Variants in SNX24 observed in about 807,000 individuals in gnomAD.
The protein encoded by SNX24 is sorting nexin-24.
A neutral mutation model predicts 28.7 loss-of-function variants in SNX24; 22 were observed. That is an observed-to-expected ratio of 0.77 (90% CI 0.55 to 1.10). The LOEUF (loss-of-function observed/expected upper bound fraction) is 1.10, where lower values mean the gene tolerates loss of function less well. SNX24 is among the 50% of genes least tolerant of loss of function. The probability of loss-of-function intolerance (pLI) is 0.00; values close to 1 mark genes in which losing one functional copy is unlikely to be tolerated. For missense variants in SNX24, 221 were observed against 201.1 expected, an observed-to-expected ratio of 1.10 and a Z score of -0.60; for synonymous variants, 69 against 71.5, an observed-to-expected ratio of 0.96 and a Z score of 0.18.
intron 3 of SNX24, among the ~76,000 whole-genome samples, chr5:122,997,995 G>A (rs73796806): frequency 1.3e-5 from 2 of 152,250 alleles, no homozygotes; most frequent in South Asian, 2.1e-4. Flanking sequence ...TTTTATATGT[G>A]TGATGACGCC....
At chr5:122,861,438 A>C (rs1034784523) in intron 1 of SNX24, among the ~76,000 whole-genome samples, 1 of 152,212 alleles carries the variant, frequency 6.6e-6, no homozygotes, top group African/African-American at 2.4e-5. Context: ...CCATCATTCT[A>C]CCAAGCCAGC....
intron 1 of SNX24, among the ~76,000 whole-genome samples, chr5:122,913,730 T>C (rs1334307857): frequency 1.3e-5 from 2 of 152,172 alleles, no homozygotes; most frequent in African/African-American, 4.8e-5. Flanking sequence ...GAGGCTGCAA[T>C]CTCGGCACTT....
intron 3 of SNX24, among the ~76,000 whole-genome samples, chr5:122,999,346 G>A (rs1397227588): frequency 6.6e-6 from 1 of 152,012 alleles, no homozygotes; most frequent in African/African-American, 2.4e-5. Context: ...ATAAATGTCA[G>A]TTGATTCTAA....
In SNX24 at chr5:123,014,925, C is replaced by T. The variant is rs573520587; in HGVS notation, n.383+12921C>T. 2.3e-3 allele frequency among the ~76,000 whole-genome samples: 353 copies of T among 152,304 alleles called. 1 individual carries two copies. Among genetic ancestry groups the T allele is most frequent in the Non-Finnish European group, 3.7e-3 (254 of 68,010 alleles). ...TTTCATCCTTCTTCAAAGGCTGACT[C>T]ATTCTCACCCATTAGGTATCAGCTT... is the stretch of plus-strand genomic sequence containing the variant. On this transcript the variant is annotated intron_variant and non_coding_transcript_variant, in intron 5 of 5. Transcript: ENST00000502387.
intron 1 of SNX24, among the ~76,000 whole-genome samples, chr5:122,857,105 G>A (rs534098988): frequency 2.4e-4 from 36 of 151,544 alleles, no homozygotes; most frequent in Admixed American, 1.3e-3. Context: ...TCCGCCTCCC[G>A]GGTTCAAGCA....
intron 1 of SNX24, among the ~76,000 whole-genome samples, chr5:122,870,825 A>G (rs1473189583): frequency 6.6e-6 from 1 of 152,168 alleles, no homozygotes; most frequent in Non-Finnish European, 1.5e-5. Context: ...TTTGAGAAAA[A>G]GGCTGTTGAT....
chr5:122,925,805 T>C (rs1018982100), intron 1 of SNX24, among the ~76,000 whole-genome samples: 7 of 152,342 alleles, frequency 4.6e-5, no homozygotes, highest in Admixed American at 1.3e-4. Flanking sequence ...CTGCTCACCT[T>C]TTCTTCTGCT....
chr5:122,965,730 A>G (rs1034666194), intron 3 of SNX24, among the ~76,000 whole-genome samples: 4 of 152,224 alleles, frequency 2.6e-5, no homozygotes, highest in Non-Finnish European at 4.4e-5. Flanking sequence ...TCGGAAATCT[A>G]ATCAAGGAGA....
At chr5:122,852,780 G>A (rs1561504517) in intron 1 of SNX24, among the ~76,000 whole-genome samples, 1 of 152,136 alleles carries the variant, frequency 6.6e-6, no homozygotes, top group Admixed American at 6.6e-5. Flanking sequence ...GCTGAGGCCA[G>A]GGTTATCTTA....
chr5:123,020,613 A>G (rs1252799083), intron 5 of SNX24, among the ~76,000 whole-genome samples: 1 of 152,206 alleles, frequency 6.6e-6, no homozygotes, highest in Non-Finnish European at 1.5e-5. Flanking sequence ...AAAATTTTCA[A>G]TATTGCTATA....
At chr5:122,961,687 G>C (rs1183796013) in intron 3 of SNX24, among the ~76,000 whole-genome samples, 1 of 152,108 alleles carries the variant, frequency 6.6e-6, no homozygotes, top group Non-Finnish European at 1.5e-5. Context: ...TGATGATATA[G>C]ATTAAGAAAA....
intron 1 of SNX24, among the ~76,000 whole-genome samples, chr5:122,896,358 C>T (rs1757201539): frequency 6.6e-6 from 1 of 152,076 alleles, no homozygotes; most frequent in South Asian, 2.1e-4. Flanking sequence ...AGTTGCATAT[C>T]CTCTTCTTAA....
intron 1 of SNX24, among the ~76,000 whole-genome samples, chr5:122,883,698 A>G (rs892784330): frequency 1.3e-5 from 2 of 152,068 alleles, no homozygotes; most frequent in African/African-American, 4.8e-5. Context: ...CCCAGGCTGG[A>G]GTGCAGTGGC....
intron 5 of SNX24, chr5:123,025,778 A>G: frequency 1.2e-6 from 2 of 1,611,246 alleles, no homozygotes; most frequent in Non-Finnish European, 1.7e-6. Context: ...AAATGTATCA[A>G]TTTACCATCC....
intron 3 of SNX24, among the ~76,000 whole-genome samples, chr5:122,964,247 CAAAAAAAAAAAAA>C (rs34174497): frequency 1.6e-4 from 6 of 36,578 alleles, no homozygotes; most frequent in South Asian, 1.1e-3. Flanking sequence ...GACTCCATCT[CAAAAAAAAAAAAA>C]AAAAAAAAAA....
At chr5:123,017,979 C>G (rs1409827885) in intron 5 of SNX24, among the ~76,000 whole-genome samples, 1 of 152,026 alleles carries the variant, frequency 6.6e-6, no homozygotes, top group Non-Finnish European at 1.5e-5. Flanking sequence ...GTGAAATACT[C>G]TGTCTGGGGG....
At chr5:122,974,869 G>C (rs899677616) in intron 3 of SNX24, among the ~76,000 whole-genome samples, 1 of 152,204 alleles carries the variant, frequency 6.6e-6, no homozygotes, top group South Asian at 2.1e-4. Flanking sequence ...CACCCTACCA[G>C]TCAGGGAGCC....
intron 3 of SNX24, among the ~76,000 whole-genome samples, chr5:122,989,721 CT>C (rs1226419245): frequency 1.3e-5 from 2 of 152,190 alleles, no homozygotes; most frequent in Admixed American, 6.5e-5. Context: ...CTGGTGTAAT[CT>C]GGAAAACTCC....
At chr5:122,921,896 G>A (rs1282866303) in intron 1 of SNX24, among the ~76,000 whole-genome samples, 1 of 152,062 alleles carries the variant, frequency 6.6e-6, no homozygotes, top group Non-Finnish European at 1.5e-5. Flanking sequence ...AACAAATTAC[G>A]TGATTATGGT....
Sources: gnomAD v4.1 joint callset for allele counts (sites outside exome capture counted in the v4.1 genomes callset) on GRCh38, gnomAD v4.1.1 for gene constraint, MANE v1.5 for transcripts, NCBI Gene and HGNC (gene_info 2026-07-23, HGNC 2026-07-21) for gene names.